Variants in AUTS2 observed in about 807,000 individuals in gnomAD.
AUTS2 encodes the protein activator of transcription and developmental regulator AUTS2.
In AUTS2, 17 loss-of-function variants were observed where a neutral mutation model predicts 112.4. That is an observed-to-expected ratio of 0.15 (90% confidence interval 0.10 to 0.23). The LOEUF is 0.23. Among genes scored for constraint, AUTS2 ranks in the 10% least tolerant of loss-of-function variants. The probability of loss-of-function intolerance (pLI) is 1.00; values close to 1 mark genes in which losing one functional copy is unlikely to be tolerated. For synonymous variants in AUTS2, 751 were observed against 702.7 expected, an observed-to-expected ratio of 1.07 and a Z score of -1.09; for missense variants, 1,510 against 1,701.6, an observed-to-expected ratio of 0.89 and a Z score of 1.98.
intron 4 of AUTS2, among the ~76,000 whole-genome samples, chr7:70,146,784 A>G (rs566176080): frequency 8.5e-5 from 13 of 152,170 alleles, no homozygotes; most frequent in Non-Finnish European, 1.5e-4. Context: ...TTAGTTTCAA[A>G]TCATGAAAAC....
chr7:69,731,522 A>C (rs1389327323), intron 1 of AUTS2, among the ~76,000 whole-genome samples: 1 of 152,228 alleles, frequency 6.6e-6, no homozygotes, highest in Non-Finnish European at 1.5e-5. Context: ...AGTAAGTAGT[A>C]GCTGTTATTA....
At chr7:70,709,372 C>T (rs1809922188) in intron 6 of AUTS2, among the ~76,000 whole-genome samples, 2 of 152,080 alleles carry the variant, frequency 1.3e-5, no homozygotes, top group South Asian at 2.1e-4. Context: ...GGGGGGTGGC[C>T]TCCAAGACTC....
At chr7:70,203,740 T>C (rs990614320) in intron 4 of AUTS2, among the ~76,000 whole-genome samples, 1 of 147,314 alleles carries the variant, frequency 6.8e-6, no homozygotes, top group African/African-American at 2.5e-5. Context: ...GATTGATATT[T>C]GAATATAGCT....
At position 70,129,409 on chromosome 7, in the gene AUTS2, A is replaced by G. The variant is rs761750196; in HGVS notation, c.625-5127A>G. On this transcript the variant is annotated intron_variant, in intron 3 of 18. Coordinates refer to ENST00000342771, the MANE Select transcript of AUTS2 (RefSeq NM_015570.4). ...AATCCAGTTTACTCAGCATATCAAT[A>G]TAAATGTTCAACTCATCTAAAAACA... 9.9e-5 allele frequency among the ~76,000 whole-genome samples: 15 copies of G among 152,196 alleles called. 1 individual carries two copies. The highest frequency in any genetic ancestry group is 4.1e-4 in the South Asian group (2 of 4,824).
chr7:69,936,750 A>G (rs1249488587), intron 2 of AUTS2, among the ~76,000 whole-genome samples: 1 of 152,192 alleles, frequency 6.6e-6, no homozygotes. Flanking sequence ...TGAACAATCC[A>G]TAGAGTTGAC....
chr7:69,787,034 C>T (rs778908719), intron 1 of AUTS2, among the ~76,000 whole-genome samples: 5 of 152,168 alleles, frequency 3.3e-5, no homozygotes, highest in Admixed American at 6.5e-5. Flanking sequence ...AGGTTAAGGA[C>T]GTTGCCTACT....
chr7:70,187,314 T>G (rs576204918), intron 4 of AUTS2, among the ~76,000 whole-genome samples: 1 of 152,302 alleles, frequency 6.6e-6, no homozygotes, highest in South Asian at 2.1e-4. Flanking sequence ...TTTTGTTTGA[T>G]CTGAGATATT....
At chr7:69,745,906 C>T (rs1384802941) in intron 1 of AUTS2, among the ~76,000 whole-genome samples, 1 of 152,162 alleles carries the variant, frequency 6.6e-6, no homozygotes, top group Non-Finnish European at 1.5e-5. Context: ...CAAAGTCTCA[C>T]TCTTTTGCCC....
At chr7:69,911,230 A>G (rs923321975) in intron 2 of AUTS2, among the ~76,000 whole-genome samples, 55 of 152,180 alleles carry the variant, frequency 3.6e-4, no homozygotes, top group Admixed American at 9.8e-4. Flanking sequence ...GACAAGATGT[A>G]CTGCATGTGG....
At chr7:69,747,781 A>AGG (rs1350672671) in intron 1 of AUTS2, among the ~76,000 whole-genome samples, 1 of 76,896 alleles carries the variant, frequency 1.3e-5, no homozygotes, top group South Asian at 4.3e-4. Flanking sequence ...AGAGAAGGAG[A>AGG]GGGGTGTGTG....
intron 2 of AUTS2, among the ~76,000 whole-genome samples, chr7:70,075,962 C>T (rs1803007383): frequency 6.6e-6 from 1 of 152,288 alleles, no homozygotes; most frequent in African/African-American, 2.4e-5. Flanking sequence ...GGTACAGCTA[C>T]TCAACTCTGC....
chr7:70,616,752 A>ATTTTT (rs1804389915), intron 5 of AUTS2, among the ~76,000 whole-genome samples: 3 of 110,530 alleles, frequency 2.7e-5, no homozygotes, highest in South Asian at 2.7e-4. Flanking sequence ...AGTGTCGAAT[A>ATTTTT]GTTTTTTTTT....
intron 16 of AUTS2, among the ~76,000 whole-genome samples, chr7:70,785,705 C>T (rs1161093959): frequency 6.6e-6 from 1 of 152,234 alleles, no homozygotes; most frequent in Non-Finnish European, 1.5e-5. Context: ...GTAGTGTCCC[C>T]ACTGGGCAAA....
chr7:70,643,314 C>T (rs781059728), intron 5 of AUTS2, among the ~76,000 whole-genome samples: 5 of 152,168 alleles, frequency 3.3e-5, no homozygotes, highest in Non-Finnish European at 5.9e-5. Context: ...GGCTCACGCC[C>T]GTAATCCCAG....
intron 1 of AUTS2, among the ~76,000 whole-genome samples, chr7:69,846,528 C>T (rs1414895418): frequency 6.6e-6 from 1 of 152,180 alleles, no homozygotes; most frequent in African/African-American, 2.4e-5. Context: ...TCGGGTGTTA[C>T]ACTAAGTGCT....
In AUTS2 at chr7:70,664,045, A is replaced by C. The variant is rs145624528; in HGVS notation, c.691-34524A>C. On this transcript the variant is annotated intron_variant, in intron 5 of 18. Coordinates refer to ENST00000342771, the MANE Select transcript of AUTS2 (RefSeq NM_015570.4). ...AATTGTTGAGTTTGAGAGTAAGTAG[A>C]TGGGGCCAGCCAAAGCAAGATGGAC... Among the ~76,000 whole-genome samples, 897 of 152,316 alleles carry C rather than the reference A, an allele frequency of 5.9e-3. 11 individuals carry two copies. Among genetic ancestry groups the C allele is most frequent in the African/African-American group, 0.02 (847 of 41,556 alleles).
chr7:70,099,004 A>G (rs1804346748), intron 2 of AUTS2, among the ~76,000 whole-genome samples: 1 of 151,794 alleles, frequency 6.6e-6, no homozygotes, highest in Non-Finnish European at 1.5e-5. Context: ...GCCTGGCCTT[A>G]TACTGTTTTT....
At chr7:70,680,697 C>T (rs1271684971) in intron 5 of AUTS2, among the ~76,000 whole-genome samples, 1 of 152,088 alleles carries the variant, frequency 6.6e-6, no homozygotes, top group Admixed American at 6.6e-5. Context: ...GAACGTACTG[C>T]CTAGTAGAAT....
chr7:70,348,439 GTGT>G (rs1197013884), intron 4 of AUTS2, among the ~76,000 whole-genome samples: 1 of 152,128 alleles, frequency 6.6e-6, no homozygotes, highest in African/African-American at 2.4e-5. Flanking sequence ...AAATTATAAG[GTGT>G]TGTTTCTATT....
Sources: allele counts gnomAD v4.1 joint callset (sites outside exome capture counted in the v4.1 genomes callset), GRCh38; gene constraint gnomAD v4.1.1; transcripts MANE v1.5; gene names NCBI Gene and HGNC (gene_info 2026-07-23, HGNC 2026-07-21).